The following FAAH2 variants were observed in gnomAD, a reference collection of about 807,000 sequenced individuals.
FAAH2 encodes the protein fatty acid amide hydrolase 2.
FAAH2 carries 60 observed loss-of-function variants against 36.9 expected under a neutral mutation model. The ratio of observed to expected loss-of-function variants is 1.63; its 90% confidence interval spans 1.32 to 2.02. The LOEUF is 2.02. Among genes scored for constraint, FAAH2 ranks in the 30% most tolerant of loss-of-function variants. FAAH2 has a pLI of 0.00. For missense variants in FAAH2, 689 were observed against 397.5 expected, an observed-to-expected ratio of 1.73 and a Z score of -6.23; for synonymous variants, 214 against 143.8, an observed-to-expected ratio of 1.49 and a Z score of -3.49.
chrX:57,134,606 T>C, the FAAH2 span: 1 of 111,359 alleles, frequency 9.0e-6, no homozygotes, highest in East Asian at 2.8e-4. Context: ...GCAGAAGGAA[T>C]AGGAGTGATG....
chrX:57,217,616 T>A, the FAAH2 span, among the ~76,000 whole-genome samples: 1 of 111,897 alleles, frequency 8.9e-6, no homozygotes, highest in Admixed American at 9.5e-5. Context: ...ATTTCTGGGT[T>A]CTTATTCTGT....
At chrX:57,333,361 T>C (rs1338262660) in intron 4 of FAAH2, among the ~76,000 whole-genome samples, 1 of 111,691 alleles carries the variant, frequency 9.0e-6, no homozygotes, top group African/African-American at 3.3e-5. Context: ...TGTTTGGCTT[T>C]CAACAAAACA....
chrX:57,185,973 G>A, the FAAH2 span, among the ~76,000 whole-genome samples: 1 of 111,487 alleles, frequency 9.0e-6, no homozygotes, highest in African/African-American at 3.3e-5. Flanking sequence ...TCATTGATGG[G>A]CATTTGGGTT....
At chrX:57,136,796 G>T in the FAAH2 span, 1 of 375,362 alleles carries the variant, frequency 2.7e-6, no homozygotes, top group Non-Finnish European at 4.8e-6. Flanking sequence ...GGAAGGGCTG[G>T]GGTGGTGCAG....
At chrX:57,238,837 C>CT in the FAAH2 span, among the ~76,000 whole-genome samples, 5 of 110,807 alleles carry the variant, frequency 4.5e-5, no homozygotes, top group East Asian at 5.7e-4. Flanking sequence ...CTATTGTTTC[C>CT]TTTTTTGTGT....
At chrX:57,352,120 G>A (rs868154040) in intron 5 of FAAH2, among the ~76,000 whole-genome samples, 8 of 36,483 alleles carry the variant, frequency 2.2e-4, no homozygotes, top group South Asian at 3.3e-3. Flanking sequence ...GTATATATAT[G>A]CACATATATA....
At chrX:57,330,865 T>A (rs2053383255) in intron 3 of FAAH2, among the ~76,000 whole-genome samples, 1 of 110,549 alleles carries the variant, frequency 9.0e-6, no homozygotes, top group Admixed American at 9.6e-5. Context: ...GTTCCAGGAC[T>A]TTGCAGGTCA....
At chrX:57,371,657 A>G (rs868256796) in intron 5 of FAAH2, among the ~76,000 whole-genome samples, 1 of 108,720 alleles carries the variant, frequency 9.2e-6, no homozygotes, top group Middle Eastern at 4.7e-3. Context: ...GTTACTTTCA[A>G]CTTTTACTTC....
intron 10 of FAAH2, among the ~76,000 whole-genome samples, chrX:57,466,352 C>T (rs1165191023): frequency 9.5e-6 from 1 of 104,976 alleles, no homozygotes; most frequent in African/African-American, 3.5e-5. Context: ...CAAAATATAG[C>T]CTAACAACTC....
At chrX:57,244,244 T>A in the FAAH2 span, among the ~76,000 whole-genome samples, 1 of 110,082 alleles carries the variant, frequency 9.1e-6, no homozygotes, top group African/African-American at 3.3e-5. Flanking sequence ...TATGGGACCA[T>A]GTGAAAAGAC....
At chrX:57,362,752 T>A (rs1031706444) in intron 5 of FAAH2, among the ~76,000 whole-genome samples, 3 of 112,306 alleles carry the variant, frequency 2.7e-5, no homozygotes, top group African/African-American at 9.7e-5. Context: ...GTCTAATCAA[T>A]CTTGAGTTAA....
chrX:57,252,521 G>A, the FAAH2 span, among the ~76,000 whole-genome samples: 1 of 111,927 alleles, frequency 8.9e-6, no homozygotes, highest in Non-Finnish European at 1.9e-5. Context: ...GGACATCTCT[G>A]GCTGGCATCT....
the FAAH2 span, among the ~76,000 whole-genome samples, chrX:57,247,058 A>T: frequency 8.9e-6 from 1 of 111,892 alleles, no homozygotes; most frequent in African/African-American, 3.2e-5. Context: ...TAATCATTAA[A>T]AATGTAAAAG....
At chrX:57,444,710 G>A (rs1041693291) in intron 8 of FAAH2, among the ~76,000 whole-genome samples, 1 of 111,502 alleles carries the variant, frequency 9.0e-6, no homozygotes, top group Admixed American at 9.5e-5. Context: ...TTCCTATTCA[G>A]CCATCTTGTA....
At position 57,296,514 on chromosome X, in the gene FAAH2, G is replaced by A. The variant is rs776239180; in HGVS notation, c.275+3934G>A. 1.1e-4 allele frequency among the ~76,000 whole-genome samples: 12 copies of A among 111,359 alleles called. No individual in the cohort carries two copies. In the East Asian group the frequency reaches 1.1e-3, roughly 10 times the overall value. ...ACAAAGTTGGGGAAAAAAACAGAGC[G>A]GAAAAACCAGAAACTCTAAAAATCA... On this transcript the variant is annotated intron_variant, in intron 2 of 10. Transcript: ENST00000374900.
chrX:57,351,159 A>C (rs1278152323), intron 5 of FAAH2, among the ~76,000 whole-genome samples: 1 of 111,737 alleles, frequency 8.9e-6, no homozygotes, highest in African/African-American at 3.2e-5. Context: ...ACCACAGTGG[A>C]ACACTACTAG....
chrX:57,273,988 A>G, the FAAH2 span, among the ~76,000 whole-genome samples: 1 of 111,177 alleles, frequency 9.0e-6, no homozygotes, highest in Non-Finnish European at 1.9e-5. Context: ...TTTTTAGAAA[A>G]ATCAACAAAA....
Position 57,485,167 on chromosome X carries a change from A to G in FAAH2, c.1424-3590A>G, listed in dbSNP as rs945595675. ...GCTGTGAGGCACGTGTTACACCCAC[A>G]CTTTCCTCCTACAGATGCAGTGTTG... On this transcript the variant is annotated intron_variant, in intron 10 of 10. Coordinates refer to ENST00000374900, the MANE Select transcript of FAAH2 (RefSeq NM_174912.4). 6.2e-5 allele frequency among the ~76,000 whole-genome samples: 7 copies of G among 112,132 alleles called. No individual in the cohort carries two copies. In the Admixed American group the frequency reaches 6.6e-4, roughly 11 times the overall value.
At chrX:57,143,814 A>G in the FAAH2 span, among the ~76,000 whole-genome samples, 1 of 111,759 alleles carries the variant, frequency 8.9e-6, no homozygotes, top group African/African-American at 3.3e-5. Context: ...TTTAGTCTTC[A>G]CAGTAAAGAT....
Sources: allele counts gnomAD v4.1 joint callset (sites outside exome capture counted in the v4.1 genomes callset), GRCh38; gene constraint gnomAD v4.1.1; transcripts MANE v1.5; gene names NCBI Gene and HGNC (gene_info 2026-07-23, HGNC 2026-07-21).